Variants in TTLL7 observed in about 807,000 individuals in gnomAD.
TTLL7 encodes the protein tubulin tyrosine ligase like 7, also known as tubulin polyglutamylase TTLL7.
TTLL7 carries 53 observed loss-of-function variants against 120.2 expected under a neutral mutation model. The observed-to-expected ratio is 0.44, with a 90% CI of 0.35 to 0.55. The LOEUF (loss-of-function observed/expected upper bound fraction) is 0.55. Among genes scored for constraint, TTLL7 ranks in the 20% least tolerant of loss-of-function variants. The pLI is 0.00. For synonymous variants in TTLL7, 353 were observed against 351.7 expected, an observed-to-expected ratio of 1.00 and a Z score of -0.04; for missense variants, 803 against 1,054.7, an observed-to-expected ratio of 0.76 and a Z score of 3.31.
chr1:83,925,198 A>G (rs542021294), intron 10 of TTLL7, among the ~76,000 whole-genome samples: 1 of 152,308 alleles, frequency 6.6e-6, no homozygotes, highest in African/African-American at 2.4e-5. Flanking sequence ...GGCCCTGTAT[A>G]TCAAATTTTC....
rs1282615884 is a variant in TTLL7, at chr1:83,949,927, T to G, written c.217A>C (p.Asn73His). The change falls in exon 4 of 21, where the codon AAT (asparagine) becomes CAT (histidine). Residue 73 changes from asparagine to histidine, a missense_variant. Asn to His is a moderately conservative substitution (Grantham distance 68, BLOSUM62 1). Transcript: ENST00000260505. Reference sequence around the variant, plus strand: ...ACAGCAGAATCACACCATATAAGATTACTTGTTTCATCCTCATCTGGAGTT... The same window carrying G: ...ACAGCAGAATCACACCATATAAGATGACTTGTTTCATCCTCATCTGGAGTT... ...MKTPDEDETS[N>H]LIWCDSAVQQ... 1.2e-6 allele frequency: 2 copies of G among 1,613,716 alleles called. No individual in the cohort carries two copies. Among genetic ancestry groups the G allele is most frequent in the Non-Finnish European group, 1.7e-6 (2 of 1,179,880 alleles).
At chr1:83,944,166 A>G (rs1648249504) in intron 6 of TTLL7, among the ~76,000 whole-genome samples, 1 of 152,196 alleles carries the variant, frequency 6.6e-6, no homozygotes, top group Non-Finnish European at 1.5e-5. Flanking sequence ...GTGAAATACC[A>G]TTAAGTACAG....
Position 83,879,056 on chromosome 1 carries a change from C to A in TTLL7, c.2543+3907G>T, listed in dbSNP as rs1194617352. Among the ~76,000 whole-genome samples the A allele has an allele frequency of 3.9e-5, 6 of 151,906 alleles. No individual in the cohort carries two copies. The East Asian group carries it at 1.2e-3, about 29-fold the overall frequency. On this transcript the variant is annotated intron_variant, in intron 20 of 20. Coordinates refer to ENST00000260505, the MANE Select transcript of TTLL7 (RefSeq NM_024686.6). Reference sequence around the variant, plus strand: ...CTTCATAAGTTATTTCTATCAGGTACATTTACATTTATTTATAAATGCTAT... The same window carrying A: ...CTTCATAAGTTATTTCTATCAGGTAAATTTACATTTATTTATAAATGCTAT...
chr1:83,890,801 C>A lies in TTLL7; in HGVS notation c.2209-320G>T, dbSNP rs370230239. On this transcript the variant is annotated intron_variant, in intron 18 of 20. Coordinates refer to ENST00000260505, the MANE Select transcript of TTLL7 (RefSeq NM_024686.6). ...TGAACAATAGCATAGAACAAAAAGT[C>A]TAGAAATAGGCCCATGCATTTATGA... Among the ~76,000 whole-genome samples, 66 of 152,058 alleles carry A rather than the reference C, an allele frequency of 4.3e-4. 1 individual carries two copies. In the South Asian group the frequency reaches 0.013, roughly 30 times the overall value.
At chr1:83,992,893 A>C (rs1485503341) in intron 1 of TTLL7, among the ~76,000 whole-genome samples, 2 of 151,064 alleles carry the variant, frequency 1.3e-5, no homozygotes, top group East Asian at 3.9e-4. Context: ...ACTGGTTCCA[A>C]ATATAGACTA....
At chr1:83,914,837 C>A (rs1658003294) in intron 14 of TTLL7, among the ~76,000 whole-genome samples, 1 of 152,126 alleles carries the variant, frequency 6.6e-6, no homozygotes, top group African/African-American at 2.4e-5. Flanking sequence ...CAATGAGGTT[C>A]TTATGCATAT....
At chr1:83,942,168 C>T (rs1648041814) in intron 7 of TTLL7, among the ~76,000 whole-genome samples, 1 of 152,166 alleles carries the variant, frequency 6.6e-6, no homozygotes, top group African/African-American at 2.4e-5. Context: ...ATAGTCATTT[C>T]TATACAGGAC....
At chr1:83,882,334 A>T (rs1006722839) in intron 20 of TTLL7, among the ~76,000 whole-genome samples, 2 of 151,464 alleles carry the variant, frequency 1.3e-5, no homozygotes, top group African/African-American at 4.8e-5. Context: ...AAAATACTAA[A>T]ACTAAAGTTA....
chr1:83,967,829 T>C (rs981860321), intron 1 of TTLL7, among the ~76,000 whole-genome samples: 1 of 151,726 alleles, frequency 6.6e-6, no homozygotes, highest in Non-Finnish European at 1.5e-5. Flanking sequence ...AACGCTGGAA[T>C]GAGGAGTTCA....
At chr1:83,922,815 T>C (rs1658797049) in intron 10 of TTLL7, among the ~76,000 whole-genome samples, 2 of 150,738 alleles carry the variant, frequency 1.3e-5, no homozygotes, top group African/African-American at 4.9e-5. Flanking sequence ...TACAGTGGCT[T>C]AGAAGTAGAT....
rs774042881 is a variant in TTLL7, at chr1:83,937,983, C to T, written c.757G>A (p.Val253Met). 2.5e-6 allele frequency: 4 copies of T among 1,613,792 alleles called. No individual in the cohort carries two copies. Among genetic ancestry groups the T allele is most frequent in the Non-Finnish European group, 3.4e-6 (4 of 1,179,936 alleles). ...TCAAAATGCTCATTATGCTTGTTCA[C>T]GGAGTAGTTTGTCAGATGCATGTAT... Reference protein sequence around the residue: ...QLYMHLTNYSVNKHNEHFERD... With the variant: ...QLYMHLTNYSMNKHNEHFERD... Residue 253 changes from valine (V) to methionine (M), a missense_variant, in exon 8 of 21, where the codon GTG (valine) becomes ATG (methionine). Physicochemically the swap from Val to Met is conservative, Grantham distance 21 (BLOSUM62 1). Around this residue, in one of 3 missense-constraint regions of TTLL7, gnomAD observed 324 missense variants for 507.7 expected, o/e 0.64. Coordinates refer to ENST00000260505, the MANE Select transcript of TTLL7 (RefSeq NM_024686.6).
chr1:83,882,565 T>A (rs147946901), intron 20 of TTLL7: 1 of 153,146 alleles, frequency 6.5e-6, no homozygotes, highest in African/African-American at 2.4e-5. Flanking sequence ...CAGAGGCAAA[T>A]TGAACAATAA....
At chr1:83,970,845 A>G (rs903898385) in intron 1 of TTLL7, among the ~76,000 whole-genome samples, 8 of 152,060 alleles carry the variant, frequency 5.3e-5, no homozygotes, top group African/African-American at 1.9e-4. Context: ...TGACAGCTTC[A>G]TGGTGGGTGG....
intron 7 of TTLL7, among the ~76,000 whole-genome samples, chr1:83,938,789 T>C (rs1243351641): frequency 6.6e-6 from 1 of 152,230 alleles, no homozygotes; most frequent in Non-Finnish European, 1.5e-5. Flanking sequence ...CAAGCATTCA[T>C]AAAAATCTAT....
intron 1 of TTLL7, among the ~76,000 whole-genome samples, chr1:83,975,659 A>G (rs939478099): frequency 6.6e-6 from 1 of 152,088 alleles, no homozygotes; most frequent in African/African-American, 2.4e-5. Context: ...TCGCTTTTTG[A>G]ATGGCAAATA....
rs536571186 is a variant in TTLL7, at chr1:83,976,983, C to A, written c.-177+21948G>T. ...ATTACCTATGTTCGTCTATATTAAG[C>A]CATTTTATTGTGTCTTTCCCATTTC... On this transcript the variant is annotated intron_variant, in intron 1 of 20. Coordinates refer to ENST00000260505, the MANE Select transcript of TTLL7 (RefSeq NM_024686.6). 3.6e-4 allele frequency among the ~76,000 whole-genome samples: 55 copies of A among 152,004 alleles called. No homozygotes were observed. In the East Asian group the frequency reaches 9.8e-3, roughly 27 times the overall value.
At chr1:83,987,192 C>T (rs1429689765) in intron 1 of TTLL7, among the ~76,000 whole-genome samples, 1 of 149,736 alleles carries the variant, frequency 6.7e-6, no homozygotes, top group African/African-American at 2.5e-5. Flanking sequence ...TCTAAGATAA[C>T]ATGTGCAAGA....
At chr1:83,877,433 G>A (rs988584847) in intron 20 of TTLL7, among the ~76,000 whole-genome samples, 2 of 151,864 alleles carry the variant, frequency 1.3e-5, no homozygotes, top group African/African-American at 4.8e-5. Flanking sequence ...TCTCTGGGTG[G>A]GTCTGATAGA....
chr1:83,918,564 C>T (rs1658382631), intron 13 of TTLL7, among the ~76,000 whole-genome samples: 1 of 152,100 alleles, frequency 6.6e-6, no homozygotes, highest in Non-Finnish European at 1.5e-5. Flanking sequence ...TCTTATTATA[C>T]ATTTTTTATT....
Sources: allele counts gnomAD v4.1 joint callset (sites outside exome capture counted in the v4.1 genomes callset), GRCh38; gene constraint gnomAD v4.1.1; regional missense constraint gnomAD v4.1.1; transcripts MANE v1.5; gene names NCBI Gene and HGNC (gene_info 2026-07-23, HGNC 2026-07-21).